The following MRPL30 variants were observed in gnomAD, a reference collection of about 807,000 sequenced individuals.
MRPL30 encodes mitochondrial ribosomal protein L30, also known as large ribosomal subunit protein uL30m.
Under a neutral mutation model 17.2 loss-of-function variants are expected in MRPL30, and 10 were observed. The observed-to-expected ratio is 0.58, with a 90% CI of 0.36 to 0.99. MRPL30 has a LOEUF of 0.99. Ranked by LOEUF, MRPL30 falls within the 50% of genes least tolerant of loss-of-function variation. The pLI is 0.01. For missense variants in MRPL30, 170 were observed against 189.8 expected (o/e 0.90, Z 0.61); for synonymous variants, 61 against 62.1 (o/e 0.98, Z 0.08).
intron 2 of MRPL30, among the ~76,000 whole-genome samples, chr2:99,186,505 G>A (rs1048361925): frequency 6.6e-6 from 1 of 151,906 alleles, no homozygotes; most frequent in African/African-American, 2.4e-5. Flanking sequence ...GCTAATTTTT[G>A]TATTTTTCAT....
At chr2:99,184,868 A>G (rs2093931492) in intron 1 of MRPL30, among the ~76,000 whole-genome samples, 1 of 152,212 alleles carries the variant, frequency 6.6e-6, no homozygotes, top group African/African-American at 2.4e-5. Context: ...CATCACAGGA[A>G]AGACTTGCAG....
intron 5 of MRPL30, 69 bp downstream of exon 5, chr2:99,195,258 T>C: frequency 2.1e-6 from 3 of 1,442,188 alleles, no homozygotes; most frequent in African/African-American, 1.4e-5. Context: ...ATTTTTCTTT[T>C]TTCGTTAATG....
rs778520008 is a variant in MRPL30, at chr2:99,195,611, A to G, written c.392A>G (p.Glu131Gly). ...PLKLPQGLPA[E>G]ENMSNTCLKS... ...AAGTTGCCACAAGGACTTCCAGCAG[A>G]GGAGAACATGTCTAACACGTGCCTC... The change falls in exon 6 of 6, where the codon GAG becomes GGG. Residue 131 changes from glutamate to glycine, a missense_variant. Physicochemically the swap from Glu to Gly is moderately conservative, Grantham distance 98. Coordinates refer to ENST00000338148, the MANE Select transcript of MRPL30 (RefSeq NM_145212.4). The G allele has an allele frequency of 5.0e-6, 8 of 1,611,842 alleles. No individual in the cohort carries two copies. The highest frequency in any genetic ancestry group is 5.9e-6 in the Non-Finnish European group (7 of 1,179,574).
chr2:99,195,261 C>A, intron 5 of MRPL30, 72 bp downstream of exon 5: 1 of 1,382,134 alleles, frequency 7.2e-7, no homozygotes, highest in South Asian at 1.4e-5. Flanking sequence ...TTTCTTTTTT[C>A]GTTAATGTTC....
chr2:99,188,249 C>T lies in MRPL30; in HGVS notation c.124C>T (p.Pro42Ser), dbSNP rs1175923295. ...TCACAAATTCACCAGATCAAGAATTCCAGAAAAAGTAAGAACAAAGTTTGA... is the reference window on the plus strand; with the variant it reads ...TCACAAATTCACCAGATCAAGAATTTCAGAAAAAGTAAGAACAAAGTTTGA... ...IRHKFTRSRI[P>S]EKVFQASPED... The change falls in exon 3 of 6, where the codon CCA (proline) becomes TCA (serine). Residue 42 changes from proline (P) to serine (S), a missense_variant. Physicochemically the swap from Pro to Ser is moderately conservative, Grantham distance 74 (BLOSUM62 -1). Coordinates refer to ENST00000338148, the MANE Select transcript of MRPL30 (RefSeq NM_145212.4). The T allele has an allele frequency of 1.2e-6, 2 of 1,602,802 alleles. No individual in the cohort carries two copies. The highest frequency in any genetic ancestry group is 2.3e-5 in the South Asian group (2 of 88,514).
intron 1 of MRPL30, among the ~76,000 whole-genome samples, chr2:99,182,662 T>C (rs1299836503): frequency 6.6e-6 from 1 of 152,248 alleles, no homozygotes; most frequent in Non-Finnish European, 1.5e-5. Flanking sequence ...CTGAGTTCAA[T>C]ACCAGAAACA....
chr2:99,182,660 A>G (rs905268944), intron 1 of MRPL30, among the ~76,000 whole-genome samples: 2 of 152,262 alleles, frequency 1.3e-5, no homozygotes, highest in Admixed American at 1.3e-4. Context: ...GGCTGAGTTC[A>G]ATACCAGAAA....
rs144028587 is a variant in MRPL30, at chr2:99,191,864, A to G, written c.133-2887A>G. Reference sequence around the variant, plus strand: ...TGCATTACTTTTCGTGCTTTTTTCTATATTAGCCACCCTGAACCACTTGCC... The same window carrying G: ...TGCATTACTTTTCGTGCTTTTTTCTGTATTAGCCACCCTGAACCACTTGCC... On this transcript the variant is annotated intron_variant, in intron 3 of 5. Coordinates refer to ENST00000338148, the MANE Select transcript of MRPL30 (RefSeq NM_145212.4). Among the ~76,000 whole-genome samples the G allele has an allele frequency of 1.9e-3, 287 of 152,116 alleles. 4 individuals carry two copies. Among genetic ancestry groups the G allele is most frequent in the African/African-American group, 6.7e-3 (276 of 41,502 alleles).
At chr2:99,194,991 G>A (rs563056205) in intron 4 of MRPL30, 94 bp downstream of exon 4, 11 of 1,352,046 alleles carry the variant, frequency 8.1e-6, no homozygotes, top group Admixed American at 2.6e-5. Context: ...TATTTATTTT[G>A]TATTACTTAG....
At chr2:99,188,061 T>C (rs1272669455) in intron 2 of MRPL30, 116 bp from the exon 3 acceptor site, 14 of 684,784 alleles carry the variant, frequency 2.0e-5, no homozygotes, top group African/African-American at 3.6e-5. Context: ...AGCTAAGATA[T>C]ACCTTTAATA....
intron 3 of MRPL30, 64 bp downstream of exon 3, chr2:99,188,321 C>A (rs929930786): frequency 2.4e-6 from 3 of 1,229,976 alleles, no homozygotes; most frequent in Non-Finnish European, 2.3e-6. Flanking sequence ...AAGTGGTACC[C>A]GTTTTTGTAA....
intron 5 of MRPL30, 125 bp from the exon 6 acceptor site, chr2:99,195,448 G>A (rs570780479): frequency 1.8e-6 from 2 of 1,131,890 alleles, no homozygotes; most frequent in Admixed American, 5.0e-5. Flanking sequence ...TTCATGTTGG[G>A]AACATTCAAC....
intron 2 of MRPL30, 55 bp downstream of exon 2, chr2:99,186,309 T>A (rs1470355278): frequency 8.0e-6 from 12 of 1,497,658 alleles, no homozygotes; most frequent in Non-Finnish European, 1.0e-5. Flanking sequence ...ATTTTTTTTT[T>A]AATCATTACA....
intron 3 of MRPL30, among the ~76,000 whole-genome samples, chr2:99,191,314 C>A (rs1328841191): frequency 6.6e-6 from 1 of 152,082 alleles, no homozygotes; most frequent in African/African-American, 2.4e-5. Flanking sequence ...CCCTGCCTAT[C>A]GTCTGAACTT....
intron 3 of MRPL30, among the ~76,000 whole-genome samples, chr2:99,191,842 A>G (rs1003049692): frequency 6.6e-6 from 1 of 152,102 alleles, no homozygotes; most frequent in African/African-American, 2.4e-5. Context: ...CATCCTCTGC[A>G]TTACTTTTCG....
intron 1 of MRPL30, among the ~76,000 whole-genome samples, chr2:99,182,881 G>A (rs1317818433): frequency 6.6e-6 from 1 of 152,180 alleles, no homozygotes; most frequent in South Asian, 2.1e-4. Flanking sequence ...TGGAATTAGC[G>A]TGCTATTGAA....
In MRPL30 at chr2:99,195,123, C is replaced by A. The variant is rs765338795; in HGVS notation, c.287C>A (p.Thr96Asn). 2.7e-5 allele frequency: 43 copies of A among 1,597,376 alleles called. No homozygotes were observed. Among genetic ancestry groups the A allele is most frequent in the Non-Finnish European group, 3.5e-5 (41 of 1,174,778 alleles). The part of the protein sequence containing the change: ...IKMLGLEKAH[T>N]PQVHKNIPSV... Reference sequence around the variant, plus strand: ...TGTTGTTGTTGTTCACAGGCACATACCCCTCAAGTTCACAAGAATATCCCT... The same window carrying A: ...TGTTGTTGTTGTTCACAGGCACATAACCCTCAAGTTCACAAGAATATCCCT... The change falls in exon 5 of 6, where the codon ACC (threonine) becomes AAC (asparagine). Residue 96 changes from threonine (T) to asparagine (N), a missense_variant. Transcript: ENST00000338148.
intron 3 of MRPL30, among the ~76,000 whole-genome samples, chr2:99,191,910 C>T (rs1452242970): frequency 1.3e-5 from 2 of 151,996 alleles, no homozygotes; most frequent in Non-Finnish European, 2.9e-5. Context: ...ATTTTGTGCT[C>T]CTTCATACTG....
chr2:99,187,909 T>G (rs1257588386), intron 2 of MRPL30, among the ~76,000 whole-genome samples: 1 of 152,226 alleles, frequency 6.6e-6, no homozygotes, highest in African/African-American at 2.4e-5. Flanking sequence ...CAATGGAGAC[T>G]ACATAGCTCT....
Sources: gnomAD v4.1 joint callset for allele counts (sites outside exome capture counted in the v4.1 genomes callset) on GRCh38, gnomAD v4.1.1 for gene constraint, MANE v1.5 for transcripts, NCBI Gene and HGNC (gene_info 2026-07-23, HGNC 2026-07-21) for gene names.